Variants in CFAP57 observed in about 807,000 individuals in gnomAD.
CFAP57 encodes cilia- and flagella-associated protein 57.
A neutral mutation model predicts 146.8 loss-of-function variants in CFAP57; 116 were observed. The observed-to-expected ratio is 0.79, with a 90% CI of 0.68 to 0.92. The LOEUF (loss-of-function observed/expected upper bound fraction) is 0.92, where lower values mean the gene tolerates loss of function less well. Ranked by LOEUF, CFAP57 falls within the 40% of genes least tolerant of loss-of-function variation. The probability of loss-of-function intolerance (pLI) is 0.00; values close to 1 mark genes in which losing one functional copy is unlikely to be tolerated. For missense variants in CFAP57, 1,377 were observed against 1,527.2 expected (o/e 0.90, Z 1.64); for synonymous variants, 518 against 552.8 (o/e 0.94, Z 0.88).
At chr1:43,198,748 C>T in intron 8 of CFAP57, 102 bp downstream of exon 8, 1 of 1,239,576 alleles carries the variant, frequency 8.1e-7, no homozygotes, top group Non-Finnish European at 1.2e-6. Context: ...CAAAATCTGT[C>T]TTGGAGAACT....
chr1:43,239,085 C>T (rs1168589839), intron 21 of CFAP57, among the ~76,000 whole-genome samples: 1 of 152,084 alleles, frequency 6.6e-6, no homozygotes, highest in Non-Finnish European at 1.5e-5. Context: ...TGCACACTGT[C>T]ACACTGGGTT....
At chr1:43,182,466 T>G (rs921616259) in intron 3 of CFAP57, among the ~76,000 whole-genome samples, 5 of 152,344 alleles carry the variant, frequency 3.3e-5, no homozygotes, top group South Asian at 2.1e-4. Context: ...GTTGTGTTCA[T>G]GTTCAGAGAT....
chr1:43,191,195 G>A (rs927644488), intron 6 of CFAP57, among the ~76,000 whole-genome samples: 1 of 152,072 alleles, frequency 6.6e-6, no homozygotes, highest in East Asian at 1.9e-4. Context: ...CAGTTTTTGT[G>A]TCATTCTAGG....
intron 6 of CFAP57, among the ~76,000 whole-genome samples, chr1:43,188,749 G>A (rs1643310347): frequency 9.6e-6 from 1 of 104,264 alleles, no homozygotes; most frequent in African/African-American, 5.7e-5. Context: ...GTCTTTTGAT[G>A]AAGTTTTCAA....
chr1:43,195,455 G>A lies in CFAP57; in HGVS notation c.1123-2098G>A, dbSNP rs1256859455. Among the ~76,000 whole-genome samples the A allele has an allele frequency of 2.0e-5, 3 of 151,938 alleles. No individual in the cohort carries two copies. In the East Asian group the frequency reaches 5.8e-4, roughly 29 times the overall value. ...GAGAATCGCTTGAACCTGGGAGGCG[G>A]AGTTGCAGTGAGCCGAGATCACGCC... On this transcript the variant is annotated intron_variant, in intron 6 of 22. Transcript: ENST00000372492.
chr1:43,183,694 A>G lies in CFAP57; in HGVS notation c.578A>G (p.Gln193Arg). Residue 193 changes from glutamine to arginine, a missense_variant, in exon 4 of 23, where the codon CAG becomes CGG. Transcript: ENST00000372492. Reference protein sequence around the residue: ...AEGTLKQTSFQRGEPQNYLAH... With the variant: ...AEGTLKQTSFRRGEPQNYLAH... ...GGAACCCTGAAGCAAACCAGCTTTC[A>G]GAGGGGAGAACCCCAAAACTATCTA... is the stretch of plus-strand genomic sequence containing the variant. The G allele has an allele frequency of 6.2e-7, 1 of 1,614,248 alleles. No homozygotes were observed. The highest frequency in any genetic ancestry group is 1.1e-5 in the South Asian group (1 of 91,086).
At chr1:43,226,348 A>G (rs1322495802) in intron 17 of CFAP57, among the ~76,000 whole-genome samples, 1 of 152,188 alleles carries the variant, frequency 6.6e-6, no homozygotes, top group South Asian at 2.1e-4. Context: ...TCAACATCCA[A>G]TGTGGCTTCT....
chr1:43,219,478 AT>A lies in CFAP57; in HGVS notation c.2190del (p.Lys731ArgfsTer3). The A allele has an allele frequency of 1.3e-6, 2 of 1,550,608 alleles. No homozygotes were observed. Among genetic ancestry groups the A allele is most frequent in the South Asian group, 1.2e-5 (1 of 84,062 alleles). ...AAAGGACATGAACTATTCTGAGAAG[AT>A]TAAGGAGCTAACAGACAAGTTCATC... ...RLKDMNYSEK[I>X]KELTDKFIQE... On this transcript the variant is annotated frameshift_variant, in exon 13 of 23. Coordinates refer to ENST00000372492, the MANE Select transcript of CFAP57 (RefSeq NM_001378189.1). LOFTEE classifies it high-confidence loss of function.
At chr1:43,207,032 C>A in intron 10 of CFAP57, 100 bp downstream of exon 10, 2 of 1,160,906 alleles carry the variant, frequency 1.7e-6, no homozygotes, top group Non-Finnish European at 2.5e-6. Flanking sequence ...AGGGCCTCTG[C>A]ATACAGGGCC....
chr1:43,209,610 AG>A, intron 10 of CFAP57, 132 bp from the exon 11 acceptor site: 2 of 863,918 alleles, frequency 2.3e-6, no homozygotes, highest in African/African-American at 1.7e-5. Context: ...GGATGCCAAA[AG>A]GGGATAGAAA....
chr1:43,179,755 A>T (rs2124249596), intron 2 of CFAP57, among the ~76,000 whole-genome samples: 1 of 152,274 alleles, frequency 6.6e-6, no homozygotes, highest in African/African-American at 2.4e-5. Context: ...CAACTGTTCC[A>T]CAGAGTGTAC....
At chr1:43,233,986 GA>G (rs1342619967) in intron 19 of CFAP57, among the ~76,000 whole-genome samples, 2 of 152,154 alleles carry the variant, frequency 1.3e-5, no homozygotes, top group Admixed American at 1.3e-4. Context: ...TCCTGAAAGG[GA>G]ATCAGAGTCA....
chr1:43,208,183 T>C (rs636415), intron 10 of CFAP57, among the ~76,000 whole-genome samples: 12,422 of 152,158 alleles, frequency 0.082, 805 homozygotes, highest in African/African-American at 0.18. Flanking sequence ...GAAATAGGAA[T>C]AATTTTACAC....
intron 2 of CFAP57, 40 bp downstream of exon 2, chr1:43,172,950 G>C: frequency 6.4e-7 from 1 of 1,572,704 alleles, no homozygotes; most frequent in Admixed American, 1.7e-5. Context: ...GGAATGGTAT[G>C]TGCCACATAT....
At chr1:43,197,172 G>A (rs1239897779) in intron 6 of CFAP57, among the ~76,000 whole-genome samples, 5 of 152,040 alleles carry the variant, frequency 3.3e-5, no homozygotes, top group African/African-American at 1.2e-4. Context: ...GGCTAACATA[G>A]TGAAACCGCG....
In CFAP57 at chr1:43,185,269, A is replaced by T. The variant is rs1288425373; in HGVS notation, c.882A>T (p.Gly294=). ...QVFAIAAYSK[G]FACSAGPGRV... is the part of the protein sequence containing the mutation. ...TTGCCATTGCAGCCTATTCAAAGGG[A>T]TTTGCCTGTTCTGCTGGGCCAGGGA... Residue 294 remains glycine, a synonymous_variant, in exon 5 of 23, where the codon GGA becomes GGT. Coordinates refer to ENST00000372492, the MANE Select transcript of CFAP57 (RefSeq NM_001378189.1). 1.2e-6 allele frequency: 2 copies of T among 1,614,060 alleles called. No individual in the cohort carries two copies. The highest frequency in any genetic ancestry group is 2.2e-5 in the East Asian group (1 of 44,872).
chr1:43,209,760 G>A lies in CFAP57; in HGVS notation c.1773G>A (p.Ser591=), dbSNP rs778398320. ...IADSLILREI[S]AFDVTYTAIV... ...TGTCTCAGATCCTTCGAGAGATATC[G>A]GCGTTTGATGTCACCTACACCGCCA... The change falls in exon 11 of 23, where the codon TCG becomes TCA. Residue 591 remains serine, a synonymous_variant. Coordinates refer to ENST00000372492, the MANE Select transcript of CFAP57 (RefSeq NM_001378189.1). 8.7e-6 allele frequency: 14 copies of A among 1,613,980 alleles called. No homozygotes were observed. Among genetic ancestry groups the A allele is most frequent in the East Asian group, 2.2e-5 (1 of 44,894 alleles).
In CFAP57 at chr1:43,221,396, C is replaced by T; in HGVS notation, c.2272C>T (p.Gln758Ter). The change falls in exon 14 of 23, where the codon CAG becomes TAG. Residue 758 changes from glutamine to a stop codon, truncating the protein, a stop_gained. Transcript: ENST00000372492. LOFTEE classifies it high-confidence loss of function. ...NQVLRTEKEK[Q>*]DVYHHEHIED... ...GGTCTTAAGAACAGAAAAAGAGAAG[C>T]AGGATGTTTATCACCATGAGCACAT... 6.5e-7 allele frequency: 1 copy of T among 1,542,942 alleles called. No individual in the cohort carries two copies. Among genetic ancestry groups the T allele is most frequent in the Non-Finnish European group, 8.8e-7 (1 of 1,142,780 alleles).
At position 43,209,861 on chromosome 1, in the gene CFAP57, T is replaced by C. The variant is rs1644522454; in HGVS notation, c.1874T>C (p.Leu625Pro). Residue 625 changes from leucine to proline, a missense_variant, in exon 11 of 23, where the codon CTG (leucine) becomes CCG (proline). Coordinates refer to ENST00000372492, the MANE Select transcript of CFAP57 (RefSeq NM_001378189.1). ...VGTIRAMKYPLPLQKEFNEYQ... is the reference protein window; with the variant it reads ...VGTIRAMKYPPPLQKEFNEYQ... Reference sequence around the variant, plus strand: ...ACCATTCGTGCCATGAAGTACCCTCTGCCTCTGCAGAAGGAATTCAATGAG... The same window carrying C: ...ACCATTCGTGCCATGAAGTACCCTCCGCCTCTGCAGAAGGAATTCAATGAG... 6.2e-7 allele frequency: 1 copy of C among 1,614,234 alleles called. No individual in the cohort carries two copies.
Sources: gnomAD v4.1 joint callset for allele counts (sites outside exome capture counted in the v4.1 genomes callset) on GRCh38, gnomAD v4.1.1 for gene constraint, MANE v1.5 for transcripts, NCBI Gene and HGNC (gene_info 2026-07-23, HGNC 2026-07-21) for gene names.